The following DYM variants were observed in gnomAD, a reference collection of about 807,000 sequenced individuals.
DYM encodes dymeclin.
DYM carries 78 observed loss-of-function variants against 93.1 expected under a neutral mutation model. The ratio of observed to expected loss-of-function variants is 0.84; its 90% confidence interval spans 0.70 to 1.01. The LOEUF (loss-of-function observed/expected upper bound fraction) is 1.01, where lower values mean the gene tolerates loss of function less well. Among genes scored for constraint, DYM ranks in the 50% least tolerant of loss-of-function variants. The pLI is 0.00. For missense variants in DYM, 789 were observed against 845.0 expected (o/e 0.93, Z 0.82); for synonymous variants, 321 against 319.7 (o/e 1.00, Z -0.04).
intron 16 of DYM, chr18:49,116,008 T>C (rs558763576): frequency 1.3e-5 from 2 of 152,328 alleles, no homozygotes; most frequent in South Asian, 4.1e-4. Flanking sequence ...TGTAGGTAGA[T>C]GCAATAGCCA....
chr18:49,423,193 T>C (rs1265468640), intron 2 of DYM, among the ~76,000 whole-genome samples: 2 of 152,072 alleles, frequency 1.3e-5, no homozygotes, highest in African/African-American at 4.8e-5. Context: ...TAACAAACTG[T>C]CTCTCAGACC....
intron 1 of DYM, among the ~76,000 whole-genome samples, chr18:49,433,164 G>C (rs919911965): frequency 6.6e-6 from 1 of 152,164 alleles, no homozygotes; most frequent in Admixed American, 6.5e-5. Flanking sequence ...ACAGCTCCCG[G>C]ATCAACCAGG....
intron 5 of DYM, among the ~76,000 whole-genome samples, chr18:49,371,379 C>G (rs960893459): frequency 6.6e-6 from 1 of 152,090 alleles, no homozygotes; most frequent in African/African-American, 2.4e-5. Context: ...ATGGTATGTG[C>G]CTGTAGCCCT....
chr18:49,181,530 T>C (rs1412902729), intron 14 of DYM, among the ~76,000 whole-genome samples: 1 of 152,164 alleles, frequency 6.6e-6, no homozygotes, highest in Non-Finnish European at 1.5e-5. Flanking sequence ...ATTGGCATGA[T>C]ACTTACCAGG....
chr18:49,114,333 C>A (rs1254891287), intron 16 of DYM, among the ~76,000 whole-genome samples: 2 of 152,202 alleles, frequency 1.3e-5, no homozygotes, highest in African/African-American at 4.8e-5. Context: ...GTTTTAAGAA[C>A]TGCATAACAG....
chr18:49,107,018 T>G (rs537728657), intron 16 of DYM, among the ~76,000 whole-genome samples: 1 of 152,374 alleles, frequency 6.6e-6, no homozygotes, highest in East Asian at 1.9e-4. Context: ...CTTGGTTCCA[T>G]TCTCCCCGTC....
At chr18:49,149,065 T>C (rs1232449682) in intron 15 of DYM, among the ~76,000 whole-genome samples, 1 of 152,210 alleles carries the variant, frequency 6.6e-6, no homozygotes, top group Non-Finnish European at 1.5e-5. Context: ...GACGGGAGAC[T>C]GTGACAGATC....
chr18:49,209,858 G>T (rs2092699812), intron 13 of DYM, 143 bp from the exon 14 acceptor site: 1 of 442,232 alleles, frequency 2.3e-6, no homozygotes, highest in Non-Finnish European at 3.3e-6. Context: ...AGAATAAAAA[G>T]TTAAAAAAGA....
At chr18:49,460,325 C>G (rs78378550) in intron 1 of DYM, 73 bp downstream of exon 1, 15,141 of 152,154 alleles carry the variant, frequency 0.1, 997 homozygotes, top group East Asian at 0.31. Flanking sequence ...CCCCTGACCC[C>G]CTCTGACAGG....
chr18:49,316,858 T>C (rs1240948199), intron 8 of DYM, among the ~76,000 whole-genome samples: 2 of 152,216 alleles, frequency 1.3e-5, no homozygotes, highest in Non-Finnish European at 2.9e-5. Flanking sequence ...GCTATAGGCA[T>C]TTAAGGTTCT....
At chr18:49,170,305 T>C (rs760706476) in intron 14 of DYM, among the ~76,000 whole-genome samples, 4 of 152,132 alleles carry the variant, frequency 2.6e-5, no homozygotes, top group Non-Finnish European at 4.4e-5. Flanking sequence ...TTAACAAATC[T>C]TCTAGGAAAC....
At chr18:49,064,323 A>G (rs1490246355) in intron 17 of DYM, among the ~76,000 whole-genome samples, 1 of 152,340 alleles carries the variant, frequency 6.6e-6, no homozygotes, top group South Asian at 2.1e-4. Context: ...AACAAAATTA[A>G]CTTCTCAGAT....
chr18:49,066,569 A>G (rs910643235), intron 17 of DYM, among the ~76,000 whole-genome samples: 2 of 152,192 alleles, frequency 1.3e-5, no homozygotes, highest in African/African-American at 4.8e-5. Flanking sequence ...TTGTGCTATG[A>G]ACATTCTTAC....
At chr18:49,232,682 C>T (rs562131880) in intron 13 of DYM, among the ~76,000 whole-genome samples, 8 of 145,970 alleles carry the variant, frequency 5.5e-5, no homozygotes, top group Admixed American at 2.8e-4. Flanking sequence ...GATCTCGGCT[C>T]ACTGCAACCT....
rs1425630849 is a variant in DYM, at chr18:49,041,576, G to T, written c.*2479C>A. ...CAGAGCTGAGGCAGTGATGCACGTGGTGGGGCCTCCCTCCTGAGCGGGAAC... is the reference window on the plus strand; with the variant it reads ...CAGAGCTGAGGCAGTGATGCACGTGTTGGGGCCTCCCTCCTGAGCGGGAAC... On this transcript the variant is annotated 3_prime_UTR_variant, in exon 18 of 18. Coordinates refer to ENST00000675505, the MANE Select transcript of DYM (RefSeq NM_001353214.3). The T allele has an allele frequency of 6.6e-6, 1 of 152,268 alleles. No individual in the cohort carries two copies. Among genetic ancestry groups the T allele is most frequent in the African/African-American group, 2.4e-5 (1 of 41,472 alleles). The allele number at this position is 152,268 out of a possible 1,614,324, so 9.4% of individuals were successfully genotyped here. A position where few individuals can be genotyped will look rare whatever the true frequency, so the allele number is the denominator to read the frequency against.
chr18:49,361,665 A>G (rs1291560613), intron 6 of DYM, among the ~76,000 whole-genome samples: 1 of 152,170 alleles, frequency 6.6e-6, no homozygotes, highest in East Asian at 1.9e-4. Context: ...AGAGGCAATT[A>G]TCAAAGAAAT....
rs114931614 is a variant in DYM, at chr18:49,275,316, C to T, written c.1126-3013G>A. Among the ~76,000 whole-genome samples the T allele has an allele frequency of 1.4e-3, 218 of 152,188 alleles. 1 individual carries two copies. The highest frequency in any genetic ancestry group is 4.9e-3 in the African/African-American group (204 of 41,516). ...TATTTCTAGACTCTCAATTCAACTC[C>T]ATTGATGTATTATGTCTATCCTTGT... On this transcript the variant is annotated intron_variant, in intron 10 of 17. Transcript: ENST00000675505.
At chr18:49,384,324 A>C in intron 3 of DYM, among the ~76,000 whole-genome samples, 1 of 35,088 alleles carries the variant, frequency 2.8e-5, no homozygotes, top group Non-Finnish European at 7.9e-5. Flanking sequence ...CATGTCTCCA[A>C]AAAAAAAAAA....
intron 13 of DYM, among the ~76,000 whole-genome samples, chr18:49,241,694 G>T (rs1352430671): frequency 1.3e-5 from 2 of 152,146 alleles, no homozygotes; most frequent in South Asian, 4.1e-4. Context: ...ATGATGTCAG[G>T]AATTGCTTCC....
Sources: gnomAD v4.1 joint callset for allele counts (sites outside exome capture counted in the v4.1 genomes callset) on GRCh38, gnomAD v4.1.1 for gene constraint, MANE v1.5 for transcripts, NCBI Gene and HGNC (gene_info 2026-07-23, HGNC 2026-07-21) for gene names.